The following PANX1 variants were observed in gnomAD, a reference collection of about 807,000 sequenced individuals.
PANX1 encodes pannexin-1.
In PANX1, 30 loss-of-function variants were observed where a neutral mutation model predicts 38.7. That is an observed-to-expected ratio of 0.78 (90% CI 0.58 to 1.05). The LOEUF is 1.05. Among genes scored for constraint, PANX1 ranks in the 50% least tolerant of loss-of-function variants. The pLI is 0.00. For missense variants in PANX1, 551 were observed against 517.2 expected, an observed-to-expected ratio of 1.07 and a Z score of -0.63; for synonymous variants, 230 against 212.2, an observed-to-expected ratio of 1.08 and a Z score of -0.73.
At chr11:94,138,605 G>T (rs1037828697) in intron 1 of PANX1, among the ~76,000 whole-genome samples, 1 of 152,168 alleles carries the variant, frequency 6.6e-6, no homozygotes, top group Non-Finnish European at 1.5e-5. Context: ...CACATCAGGA[G>T]AAATTGGGTA....
intron 2 of PANX1, among the ~76,000 whole-genome samples, chr11:94,166,635 A>G (rs903742342): frequency 3.9e-5 from 6 of 152,200 alleles, no homozygotes; most frequent in African/African-American, 1.4e-4. Context: ...TCCTTGAGGT[A>G]GTCTTGCTTG....
At chr11:94,180,323 A>G in intron 4 of PANX1, 66 bp downstream of exon 4, 1 of 1,317,278 alleles carries the variant, frequency 7.6e-7, no homozygotes, top group Middle Eastern at 1.9e-4. Context: ...CCTTGTGGGA[A>G]TATTGACAGT....
chr11:94,146,100 G>A (rs1008007062), intron 1 of PANX1, among the ~76,000 whole-genome samples: 3 of 152,144 alleles, frequency 2.0e-5, no homozygotes, highest in African/African-American at 4.8e-5. Flanking sequence ...GAAAGTAGAC[G>A]ACAAGCCCAG....
chr11:94,129,633 T>C, intron 1 of PANX1, 140 bp downstream of exon 1: 1 of 727,318 alleles, frequency 1.4e-6, no homozygotes, highest in Non-Finnish European at 2.2e-6. Flanking sequence ...GCCCCAGTTT[T>C]ATGGTCCAAA....
intron 2 of PANX1, among the ~76,000 whole-genome samples, chr11:94,161,935 ACAGT>A (rs1318798695): frequency 2.6e-5 from 4 of 152,126 alleles, no homozygotes; most frequent in Admixed American, 6.5e-5. Context: ...TTTCCTTCTA[ACAGT>A]CAGCACCCTC....
intron 2 of PANX1, chr11:94,175,625 G>C (rs1003146767): frequency 2.3e-6 from 1 of 437,772 alleles, no homozygotes; most frequent in East Asian, 1.6e-4. Flanking sequence ...TTCCCAGATA[G>C]AATGCCTGGC....
At chr11:94,164,823 T>C (rs533717700) in intron 2 of PANX1, among the ~76,000 whole-genome samples, 1 of 152,362 alleles carries the variant, frequency 6.6e-6, no homozygotes, top group East Asian at 1.9e-4. Context: ...TCTTTAGCTC[T>C]AATAATATTT....
chr11:94,139,788 G>T (rs138312779), intron 1 of PANX1, among the ~76,000 whole-genome samples: 16 of 152,308 alleles, frequency 1.1e-4, no homozygotes, highest in Admixed American at 2.0e-4. Context: ...CCAACTCCAT[G>T]GGGACAGAAG....
At chr11:94,145,550 A>T (rs1288370380) in intron 1 of PANX1, among the ~76,000 whole-genome samples, 1 of 152,188 alleles carries the variant, frequency 6.6e-6, no homozygotes, top group African/African-American at 2.4e-5. Flanking sequence ...TTTGGCCTGT[A>T]CCAGGCTGGG....
intron 1 of PANX1, among the ~76,000 whole-genome samples, chr11:94,145,454 A>G (rs986338080): frequency 2.6e-5 from 4 of 152,232 alleles, no homozygotes; most frequent in African/African-American, 9.6e-5. Flanking sequence ...GAACATATCA[A>G]TAGTTGTATA....
At chr11:94,175,278 G>A (rs972321702) in intron 2 of PANX1, among the ~76,000 whole-genome samples, 2 of 151,756 alleles carry the variant, frequency 1.3e-5, no homozygotes, top group Non-Finnish European at 2.9e-5. Context: ...AAAATAAAAA[G>A]AGGTTTTAGT....
chr11:94,129,623 G>A, intron 1 of PANX1, 130 bp downstream of exon 1: 2 of 797,820 alleles, frequency 2.5e-6, no homozygotes, highest in Non-Finnish European at 3.9e-6. Context: ...AAGGGCAGTG[G>A]CCCCAGTTTT....
chr11:94,154,675 C>T (rs957769358), intron 2 of PANX1, among the ~76,000 whole-genome samples: 2 of 152,140 alleles, frequency 1.3e-5, no homozygotes, highest in East Asian at 1.9e-4. Context: ...GACCCTTGAA[C>T]AATGTGGGGG....
In PANX1 at chr11:94,181,543, T is replaced by C. The variant is rs1046812; in HGVS notation, c.*674T>C. 0.69 allele frequency: 104,291 copies of C among 152,168 alleles called. 36,076 individuals carry two copies. The highest frequency in any genetic ancestry group is 0.81 in the South Asian group (3,926 of 4,828). The allele number at this position is 152,168 out of a possible 1,614,324, so 9.4% of individuals were successfully genotyped here. A position where few individuals can be genotyped will look rare whatever the true frequency, so the allele number is the denominator to read the frequency against. On this transcript the variant is annotated 3_prime_UTR_variant, in exon 5 of 5. Transcript: ENST00000227638. ...CTGACTGAAAACTGAGTTAACAAGATGAAATCTAAAGGATATTCACAGTGA... is the reference window on the plus strand; with the variant it reads ...CTGACTGAAAACTGAGTTAACAAGACGAAATCTAAAGGATATTCACAGTGA...
At chr11:94,175,052 A>C (rs1947216939) in intron 2 of PANX1, among the ~76,000 whole-genome samples, 1 of 151,762 alleles carries the variant, frequency 6.6e-6, no homozygotes, top group African/African-American at 2.4e-5. Flanking sequence ...TCATGGCTTC[A>C]AGAGATGCTG....
chr11:94,142,996 AGTTTTTGTCTATTTAGAAT>A (rs1352287161), intron 1 of PANX1, among the ~76,000 whole-genome samples: 1 of 152,220 alleles, frequency 6.6e-6, no homozygotes, highest in Non-Finnish European at 1.5e-5. Context: ...ATCTGTCATG[AGTTTTTGTCTATTTAGAAT>A]GCCCTTGTTT....
intron 2 of PANX1, among the ~76,000 whole-genome samples, chr11:94,153,911 C>T (rs1010518278): frequency 3.3e-5 from 5 of 152,176 alleles, no homozygotes; most frequent in Middle Eastern, 3.2e-3. Flanking sequence ...TAATGCCCAG[C>T]AGGATGTCTG....
chr11:94,128,951 A>C lies in PANX1; in HGVS notation c.-362A>C. On this transcript the variant is annotated 5_prime_UTR_variant, in exon 1 of 5. Coordinates refer to ENST00000227638, the MANE Select transcript of PANX1 (RefSeq NM_015368.4). ...CAGGGCGGCGCGGAGGGGCAGGGCC[A>C]GAGGGAAGCGCTTTGTTCCGCGCGT... 3.7e-5 allele frequency: 6 copies of C among 164,116 alleles called. No homozygotes were observed. The highest frequency in any genetic ancestry group is 1.3e-4 in the Admixed American group (2 of 15,524). The allele number at this position is 164,116 out of a possible 1,614,324, so 10.2% of individuals were successfully genotyped here. A position where few individuals can be genotyped will look rare whatever the true frequency, so the allele number is the denominator to read the frequency against.
chr11:94,163,430 T>C (rs932585811), intron 2 of PANX1, among the ~76,000 whole-genome samples: 4 of 152,192 alleles, frequency 2.6e-5, no homozygotes, highest in Admixed American at 6.5e-5. Context: ...GTTTTTATCA[T>C]GAAGGGATGT....
Sources: allele counts gnomAD v4.1 joint callset (sites outside exome capture counted in the v4.1 genomes callset), GRCh38; gene constraint gnomAD v4.1.1; transcripts MANE v1.5; gene names NCBI Gene and HGNC (gene_info 2026-07-23, HGNC 2026-07-21).